AGBL4: variants seen among roughly 807,000 people sequenced by gnomAD.
AGBL4 encodes cytosolic carboxypeptidase 6.
Under a neutral mutation model 66.4 loss-of-function variants are expected in AGBL4, and 58 were observed. The observed-to-expected ratio is 0.87, with a 90% CI of 0.71 to 1.09. The LOEUF is 1.09. Among genes scored for constraint, AGBL4 ranks in the 50% least tolerant of loss-of-function variants. The pLI is 0.00. For missense variants in AGBL4, 579 were observed against 631.0 expected, an observed-to-expected ratio of 0.92 and a Z score of 0.88; for synonymous variants, 234 against 222.9, an observed-to-expected ratio of 1.05 and a Z score of -0.44.
chr1:49,261,755 A>G (rs1292773778), intron 3 of AGBL4, among the ~76,000 whole-genome samples: 5 of 148,330 alleles, frequency 3.4e-5, no homozygotes, highest in African/African-American at 1.2e-4. Flanking sequence ...TATAGATTCA[A>G]TGCCATCCCC....
intron 9 of AGBL4, among the ~76,000 whole-genome samples, chr1:48,594,918 T>A (rs1478083488): frequency 1.3e-5 from 2 of 151,968 alleles, no homozygotes; most frequent in African/African-American, 2.4e-5. Flanking sequence ...CGTAAAAAAA[T>A]GATGATATCC....
intron 2 of AGBL4, among the ~76,000 whole-genome samples, chr1:49,717,619 G>A (rs901856759): frequency 8.6e-5 from 13 of 151,792 alleles, no homozygotes; most frequent in South Asian, 8.3e-4. Context: ...TCACTACATC[G>A]AAGTATATTA....
chr1:49,637,483 A>G (rs1469869220), intron 3 of AGBL4, among the ~76,000 whole-genome samples: 1 of 151,718 alleles, frequency 6.6e-6, no homozygotes, highest in East Asian at 1.9e-4. Context: ...TTGTATTTTT[A>G]GTAGAGACAG....
chr1:49,940,402 A>T (rs1276266031), intron 1 of AGBL4, among the ~76,000 whole-genome samples: 2 of 151,982 alleles, frequency 1.3e-5, no homozygotes, highest in African/African-American at 2.4e-5. Flanking sequence ...ACATGCACAC[A>T]TATGTTTATT....
At chr1:49,939,107 T>G (rs1471894657) in intron 1 of AGBL4, among the ~76,000 whole-genome samples, 1 of 152,016 alleles carries the variant, frequency 6.6e-6, no homozygotes, top group Non-Finnish European at 1.5e-5. Flanking sequence ...TCACAATTGC[T>G]TCAAAGAGAA....
chr1:49,785,585 C>T (rs1312833179), intron 2 of AGBL4, among the ~76,000 whole-genome samples: 2 of 151,846 alleles, frequency 1.3e-5, no homozygotes, highest in East Asian at 3.9e-4. Flanking sequence ...TTCAGGGTGG[C>T]AATGATAACA....
At chr1:48,827,119 A>G (rs572801460) in intron 6 of AGBL4, among the ~76,000 whole-genome samples, 23 of 152,100 alleles carry the variant, frequency 1.5e-4, no homozygotes, top group Non-Finnish European at 2.9e-4. Context: ...CAGAATTACC[A>G]TTTTTGTATT....
At chr1:48,996,844 T>TTCCTTCCC (rs1041755919) in intron 5 of AGBL4, among the ~76,000 whole-genome samples, 14 of 152,040 alleles carry the variant, frequency 9.2e-5, no homozygotes, top group African/African-American at 2.9e-4. Context: ...CCTTCCTTCC[T>TTCCTTCCC]TCCTTCCTTC....
intron 4 of AGBL4, among the ~76,000 whole-genome samples, chr1:49,065,419 G>T (rs141485207): frequency 6.6e-6 from 1 of 152,206 alleles, no homozygotes; most frequent in African/African-American, 2.4e-5. Context: ...AGAGGGTATA[G>T]CTTATGTGAA....
intron 6 of AGBL4, among the ~76,000 whole-genome samples, chr1:48,856,304 CT>C (rs1402524680): frequency 6.6e-6 from 1 of 152,102 alleles, no homozygotes; most frequent in Non-Finnish European, 1.5e-5. Context: ...ATAAAACTTA[CT>C]GTGATTGCAA....
intron 4 of AGBL4, among the ~76,000 whole-genome samples, chr1:49,237,512 TTATATATATATATATATATA>T (rs71056690): frequency 3.1e-3 from 7 of 2,292 alleles, no homozygotes; most frequent in East Asian, 0.022. Flanking sequence ...CAATATTACA[TTATATATATATATATATATA>T]TATATATATA....
chr1:49,743,032 A>G (rs1027623036), intron 2 of AGBL4, among the ~76,000 whole-genome samples: 2 of 152,206 alleles, frequency 1.3e-5, no homozygotes, highest in African/African-American at 4.8e-5. Flanking sequence ...AATGACAACA[A>G]AAGACAAAAT....
At chr1:49,373,745 T>TC (rs1232688006) in intron 3 of AGBL4, among the ~76,000 whole-genome samples, 2 of 152,104 alleles carry the variant, frequency 1.3e-5, no homozygotes, top group African/African-American at 2.4e-5. Flanking sequence ...TCTGTCTGAC[T>TC]CCAAAGTCCA....
chr1:48,921,930 T>C (rs1015831597), intron 5 of AGBL4, among the ~76,000 whole-genome samples: 1 of 152,208 alleles, frequency 6.6e-6, no homozygotes, highest in Non-Finnish European at 1.5e-5. Context: ...TATGGTGCAT[T>C]GTAAGCATCA....
At chr1:49,136,541 T>C (rs1167485306) in intron 4 of AGBL4, among the ~76,000 whole-genome samples, 1 of 152,090 alleles carries the variant, frequency 6.6e-6, no homozygotes, top group African/African-American at 2.4e-5. Context: ...TCAGGAAAAA[T>C]GGTTCTGTAA....
intron 6 of AGBL4, among the ~76,000 whole-genome samples, chr1:48,863,782 T>C (rs1349369290): frequency 2.0e-5 from 3 of 152,054 alleles, no homozygotes; most frequent in African/African-American, 4.8e-5. Flanking sequence ...CTATTTCATA[T>C]ACAAAGATCA....
intron 3 of AGBL4, among the ~76,000 whole-genome samples, chr1:49,404,517 C>T (rs1645155041): frequency 6.6e-6 from 1 of 152,196 alleles, no homozygotes; most frequent in Non-Finnish European, 1.5e-5. Context: ...CTTTCTCTGT[C>T]ATAGCATTTA....
Position 49,097,964 on chromosome 1 carries a change from A to G in AGBL4, c.378-52164T>C, listed in dbSNP as rs544405704. ...TTATGGACCACCTGATTCTACAGACATAATATACTACCTAGTTGAAAAATT... is the reference window on the plus strand; with the variant it reads ...TTATGGACCACCTGATTCTACAGACGTAATATACTACCTAGTTGAAAAATT... On this transcript the variant is annotated intron_variant, in intron 4 of 13. Coordinates refer to ENST00000371839, the MANE Select transcript of AGBL4 (RefSeq NM_032785.4). Among the ~76,000 whole-genome samples, 269 of 152,362 alleles carry G rather than the reference A, an allele frequency of 1.8e-3. 2 individuals are homozygous for G. The highest frequency in any genetic ancestry group is 3.4e-3 in the Middle Eastern group (1 of 294).
chr1:49,775,886 T>G (rs1054850514), intron 2 of AGBL4, among the ~76,000 whole-genome samples: 1 of 152,134 alleles, frequency 6.6e-6, no homozygotes, highest in Non-Finnish European at 1.5e-5. Context: ...ATTGTGAGCT[T>G]TAGAGTCAGT....
Sources: allele counts gnomAD v4.1 joint callset (sites outside exome capture counted in the v4.1 genomes callset), GRCh38; gene constraint gnomAD v4.1.1; transcripts MANE v1.5; gene names NCBI Gene and HGNC (gene_info 2026-07-23, HGNC 2026-07-21).